ARID5B: variants seen among roughly 807,000 people sequenced by gnomAD.
The protein encoded by ARID5B is AT-rich interaction domain 5B, also known as AT-rich interactive domain-containing protein 5B.
In ARID5B, 13 loss-of-function variants were observed where a neutral mutation model predicts 97.2. That is an observed-to-expected ratio of 0.13 (90% confidence interval 0.09 to 0.21). The LOEUF is 0.21. Among genes scored for constraint, ARID5B ranks in the 10% least tolerant of loss-of-function variants. ARID5B has a pLI of 1.00. For synonymous variants in ARID5B, 556 were observed against 570.3 expected (o/e 0.97, Z 0.36); for missense variants, 1,210 against 1,465.3 (o/e 0.83, Z 2.84).
chr10:61,963,574 C>G (rs1344920088), intron 3 of ARID5B, among the ~76,000 whole-genome samples: 1 of 152,014 alleles, frequency 6.6e-6, no homozygotes. Flanking sequence ...ATATGTCTCT[C>G]CCTGACTGGA....
rs1178738385 is a variant in ARID5B at position 62,092,503 on chromosome 10, C to T, written c.3040C>T (p.Arg1014Cys). ...QNIGAARPIK[R>C]SLEDLDLVIA... ...CATTGGGGCGGCGCGGCCGATCAAG[C>T]GCAGCCTGGAGGATTTGGACCTTGT... is the stretch of plus-strand genomic sequence containing the variant. Residue 1014 changes from arginine (R) to cysteine (C), a missense_variant, in exon 10 of 10, where the codon CGC (arginine) becomes TGC (cysteine). Arg to Cys is a radical substitution (Grantham distance 180, BLOSUM62 -3). Around this residue, in one of 8 missense-constraint regions of ARID5B, gnomAD observed 800 missense variants for 839.1 expected, o/e 0.95. Coordinates refer to ENST00000279873, the MANE Select transcript of ARID5B (RefSeq NM_032199.3). 6.2e-7 allele frequency: 1 copy of T among 1,614,162 alleles called. No individual in the cohort carries two copies. Among genetic ancestry groups the T allele is most frequent in the Non-Finnish European group, 8.5e-7 (1 of 1,180,002 alleles).
At chr10:61,965,394 G>C (rs911923723) in intron 3 of ARID5B, among the ~76,000 whole-genome samples, 1 of 152,084 alleles carries the variant, frequency 6.6e-6, no homozygotes, top group Non-Finnish European at 1.5e-5. Flanking sequence ...AGGAGGAACG[G>C]TTATTTTTAA....
chr10:61,996,668 T>A (rs1436217541), intron 3 of ARID5B, among the ~76,000 whole-genome samples: 1 of 152,166 alleles, frequency 6.6e-6, no homozygotes. Flanking sequence ...AGTGTTTTAT[T>A]ATCAGTACTG....
intron 4 of ARID5B, among the ~76,000 whole-genome samples, chr10:62,007,777 G>A (rs1015981731): frequency 6.6e-6 from 1 of 151,934 alleles, no homozygotes; most frequent in South Asian, 2.1e-4. Flanking sequence ...ATTCCACATC[G>A]CTTATTCCAG....
At chr10:62,034,333 G>C (rs1839534385) in intron 4 of ARID5B, among the ~76,000 whole-genome samples, 1 of 152,184 alleles carries the variant, frequency 6.6e-6, no homozygotes, top group African/African-American at 2.4e-5. Context: ...TCTGCTGTTT[G>C]TTAATGTTTC....
chr10:61,976,942 G>C (rs190722165), intron 3 of ARID5B, among the ~76,000 whole-genome samples: 2 of 151,112 alleles, frequency 1.3e-5, no homozygotes, highest in African/African-American at 4.9e-5. Flanking sequence ...CATGTGCCAT[G>C]TTGGTGTGCT....
At chr10:61,997,504 G>A (rs1176963336) in intron 3 of ARID5B, among the ~76,000 whole-genome samples, 2 of 152,158 alleles carry the variant, frequency 1.3e-5, no homozygotes, top group African/African-American at 2.4e-5. Flanking sequence ...CCTTCAACCT[G>A]AGAGCACACA....
intron 4 of ARID5B, chr10:62,024,761 G>T (rs1839398954): frequency 2.5e-6 from 1 of 394,186 alleles, no homozygotes; most frequent in African/African-American, 2.1e-5. Flanking sequence ...GTTTTCACGG[G>T]TAGATATTGA....
At position 61,961,299 on chromosome 10, in the gene ARID5B, TA is replaced by T. The variant is rs537986390; in HGVS notation, c.502+20897del. On this transcript the variant is annotated intron_variant, in intron 3 of 9. Coordinates refer to ENST00000279873, the MANE Select transcript of ARID5B (RefSeq NM_032199.3). Reference sequence around the variant, plus strand: ...GAAGGTAAATATATAATCCTTAAAATAAAAAATATGTTTATCCATGTACCAC... The same window carrying T: ...GAAGGTAAATATATAATCCTTAAAATAAAAATATGTTTATCCATGTACCAC... Among the ~76,000 whole-genome samples the T allele has an allele frequency of 9.3e-4, 142 of 152,318 alleles. No homozygotes were observed. The Middle Eastern group carries it at 0.017, about 18-fold the overall frequency.
chr10:62,082,439 G>T (rs1840225413), intron 8 of ARID5B, among the ~76,000 whole-genome samples: 1 of 152,102 alleles, frequency 6.6e-6, no homozygotes, highest in Non-Finnish European at 1.5e-5. Flanking sequence ...TCTTAGAGTT[G>T]CAGTCCATTG....
At chr10:61,981,620 A>G (rs1838778239) in intron 3 of ARID5B, among the ~76,000 whole-genome samples, 1 of 152,010 alleles carries the variant, frequency 6.6e-6, no homozygotes, top group Non-Finnish European at 1.5e-5. Context: ...GTTTGGCATT[A>G]AATGTCATAA....
intron 6 of ARID5B, among the ~76,000 whole-genome samples, chr10:62,058,393 T>C (rs7908159): frequency 0.33 from 50,226 of 152,042 alleles, 8,626 homozygotes; most frequent in East Asian, 0.48. Flanking sequence ...ATCATTTTAT[T>C]CTTCATTTCC....
chr10:62,020,999 A>G (rs1839348017), intron 4 of ARID5B, among the ~76,000 whole-genome samples: 2 of 145,028 alleles, frequency 1.4e-5, no homozygotes, highest in Admixed American at 1.4e-4. Flanking sequence ...CATTTGTGGC[A>G]GTGCACTGGG....
chr10:61,957,483 G>C (rs977306724), intron 3 of ARID5B, among the ~76,000 whole-genome samples: 5 of 152,268 alleles, frequency 3.3e-5, no homozygotes, highest in Middle Eastern at 6.8e-3. Flanking sequence ...TGGCCAGGCT[G>C]GTCTCGAACT....
chr10:61,978,065 G>T (rs1360067542), intron 3 of ARID5B, among the ~76,000 whole-genome samples: 1 of 152,166 alleles, frequency 6.6e-6, no homozygotes, highest in Admixed American at 6.5e-5. Context: ...TCCAGTTTCA[G>T]CTTTCTACAT....
In ARID5B at chr10:62,057,270, G is replaced by A; in HGVS notation, c.1000G>A (p.Glu334Lys). ...GGTGGCACTTTATAAATACATGAAA[G>A]AAAGGAAAACGCCGATAGAACGAAT... Reference protein sequence around the residue: ...FLVALYKYMKERKTPIERIPY... With the variant: ...FLVALYKYMKKRKTPIERIPY... The change falls in exon 6 of 10, where the codon GAA (glutamate) becomes AAA (lysine). Residue 334 changes from glutamate (E) to lysine (K), a missense_variant. Transcript: ENST00000279873. 1.9e-6 allele frequency: 3 copies of A among 1,552,074 alleles called. No homozygotes were observed. The South Asian group carries it at 3.3e-5, about 17-fold the overall frequency.
chr10:61,922,809 G>A (rs1844041182), intron 2 of ARID5B, among the ~76,000 whole-genome samples: 1 of 152,200 alleles, frequency 6.6e-6, no homozygotes, highest in Non-Finnish European at 1.5e-5. Flanking sequence ...CAGCTGGTCT[G>A]CCATCTTTTA....
chr10:61,949,746 T>C (rs764675463), intron 3 of ARID5B, among the ~76,000 whole-genome samples: 2 of 152,222 alleles, frequency 1.3e-5, no homozygotes, highest in African/African-American at 2.4e-5. Flanking sequence ...CAAAGAACTG[T>C]CTGTAGAGAT....
intron 2 of ARID5B, among the ~76,000 whole-genome samples, chr10:61,915,203 G>T (rs147741349): frequency 3.9e-5 from 6 of 152,292 alleles, no homozygotes; most frequent in African/African-American, 1.4e-4. Flanking sequence ...TACCTCCAGC[G>T]TGACTTTGTG....
Sources: allele counts gnomAD v4.1 joint callset (sites outside exome capture counted in the v4.1 genomes callset), GRCh38; gene constraint gnomAD v4.1.1; regional missense constraint gnomAD v4.1.1; transcripts MANE v1.5; gene names NCBI Gene and HGNC (gene_info 2026-07-23, HGNC 2026-07-21).